The following CNBD1 variants were observed in gnomAD, a reference collection of about 807,000 sequenced individuals.
CNBD1 encodes cyclic nucleotide-binding domain-containing protein 1.
A neutral mutation model predicts 54.4 loss-of-function variants in CNBD1; 71 were observed. The observed-to-expected ratio is 1.30, with a 90% CI of 1.08 to 1.59. The LOEUF is 1.59. Ranked by LOEUF, CNBD1 falls within the 40% of genes most tolerant of loss-of-function variation. The pLI is 0.00. For missense variants in CNBD1, 659 were observed against 518.0 expected (o/e 1.27, Z -2.64); for synonymous variants, 182 against 170.7 (o/e 1.07, Z -0.51).
intron 2 of CNBD1, among the ~76,000 whole-genome samples, chr8:86,900,618 A>C (rs1401643195): frequency 6.6e-6 from 1 of 152,138 alleles, no homozygotes; most frequent in East Asian, 1.9e-4. Context: ...CTGAAGTTTT[A>C]CTTTTATTAT....
intron 2 of CNBD1, among the ~76,000 whole-genome samples, chr8:87,405,032 C>A (rs1807629859): frequency 6.6e-6 from 1 of 151,958 alleles, no homozygotes; most frequent in African/African-American, 2.4e-5. Context: ...AAACTGCTAT[C>A]TTATATATCA....
At chr8:87,024,624 G>A (rs1478763805) in intron 4 of CNBD1, among the ~76,000 whole-genome samples, 1 of 152,110 alleles carries the variant, frequency 6.6e-6, no homozygotes, top group African/African-American at 2.4e-5. Flanking sequence ...TTATAGGCAT[G>A]AGCCACCACA....
intron 2 of CNBD1, among the ~76,000 whole-genome samples, chr8:87,426,205 T>G (rs1014865698): frequency 2.0e-5 from 3 of 152,162 alleles, no homozygotes; most frequent in African/African-American, 4.8e-5. Flanking sequence ...CCCACTGACC[T>G]GCGCCCGCTG....
intron 4 of CNBD1, among the ~76,000 whole-genome samples, chr8:87,122,596 C>CA (rs1563477230): frequency 2.0e-5 from 3 of 151,482 alleles, no homozygotes; most frequent in African/African-American, 4.8e-5. Flanking sequence ...GAGTCGTAGC[C>CA]AAAAAAACTG....
At chr8:87,007,538 TC>T (rs1380430875) in intron 4 of CNBD1, among the ~76,000 whole-genome samples, 1 of 152,162 alleles carries the variant, frequency 6.6e-6, no homozygotes, top group Non-Finnish European at 1.5e-5. Flanking sequence ...CTATTTTTTT[TC>T]CCACTAAGAT....
At chr8:87,371,530 A>G (rs997535698) in intron 10 of CNBD1, among the ~76,000 whole-genome samples, 17 of 151,934 alleles carry the variant, frequency 1.1e-4, no homozygotes, top group Admixed American at 6.6e-5. Flanking sequence ...CAGAGACACA[A>G]CCAAAAAAGA....
In CNBD1 at chr8:87,118,314, CAAAAAA is replaced by C. The variant is rs34800282; in HGVS notation, c.432-87660_432-87655del. Among the ~76,000 whole-genome samples, 581 of 109,160 alleles carry C rather than the reference CAAAAAA, an allele frequency of 5.3e-3. 4 individuals carry two copies. The highest frequency in any genetic ancestry group is 0.048 in the Middle Eastern group (9 of 188). 71.6% of individuals were successfully genotyped at this position (109,160 alleles called of 152,430 possible). On this transcript the variant is annotated intron_variant, in intron 4 of 10. Transcript: ENST00000518476. ...TGGGCGACAGAGCGAGACTCTGTCT[CAAAAAA>C]AAAAAAAAAAAAAAAAAATAGAGCG...
intron 7 of CNBD1, among the ~76,000 whole-genome samples, chr8:87,285,538 G>A (rs1238370835): frequency 6.6e-6 from 1 of 151,970 alleles, no homozygotes; most frequent in Non-Finnish European, 1.5e-5. Flanking sequence ...GGGAGTTCGA[G>A]CCAGCCTGAC....
chr8:86,959,981 T>C (rs1303460787), intron 4 of CNBD1, among the ~76,000 whole-genome samples: 1 of 152,144 alleles, frequency 6.6e-6, no homozygotes, highest in East Asian at 1.9e-4. Flanking sequence ...TCCCCATCGT[T>C]GTTGTTTTAT....
At position 87,286,583 on chromosome 8, in the gene CNBD1, T is replaced by C; in HGVS notation, c.954T>C (p.Arg318=). The C allele has an allele frequency of 1.4e-6, 2 of 1,470,768 alleles. No homozygotes were observed. Among genetic ancestry groups the C allele is most frequent in the Non-Finnish European group, 1.9e-6 (2 of 1,071,160 alleles). 91.1% of individuals were successfully genotyped at this position (1,470,768 alleles called of 1,614,324 possible). A position where few individuals can be genotyped will look rare whatever the true frequency, so the allele number is the denominator to read the frequency against. The change falls in exon 8 of 11, where the codon CGT becomes CGC. Residue 318 remains arginine, a synonymous_variant. Coordinates refer to ENST00000518476, the MANE Select transcript of CNBD1 (RefSeq NM_173538.3). ...LENMQKLKLI[R]MCPYYEEWPT... is the part of the protein sequence containing the mutation. The stretch of plus-strand genomic sequence containing the variant: ...ATATGCAAAAGTTGAAATTAATCCG[T>C]ATGTGTCCTTATTATGAGGAATGGC...
intron 4 of CNBD1, among the ~76,000 whole-genome samples, chr8:87,095,858 CT>C (rs1193795826): frequency 2.0e-5 from 3 of 152,294 alleles, no homozygotes; most frequent in African/African-American, 7.2e-5. Context: ...GGGGGTCTCA[CT>C]GTGTTAGCCA....
At chr8:87,207,442 T>C (rs1269558939) in intron 5 of CNBD1, among the ~76,000 whole-genome samples, 1 of 151,390 alleles carries the variant, frequency 6.6e-6, no homozygotes, top group African/African-American at 2.4e-5. Context: ...AAATCTAAAT[T>C]TATGCACATA....
intron 4 of CNBD1, among the ~76,000 whole-genome samples, chr8:86,980,674 G>A (rs1808467140): frequency 6.6e-6 from 1 of 152,048 alleles, no homozygotes; most frequent in African/African-American, 2.4e-5. Context: ...TTGCTGTACT[G>A]GTATTAAGGG....
At chr8:87,233,774 T>C (rs1383694402) in intron 5 of CNBD1, among the ~76,000 whole-genome samples, 2 of 152,166 alleles carry the variant, frequency 1.3e-5, no homozygotes. Flanking sequence ...CCAGTTTGGC[T>C]GTGGCAATTT....
intron 8 of CNBD1, among the ~76,000 whole-genome samples, chr8:87,310,554 T>C (rs761188390): frequency 5.3e-5 from 8 of 152,148 alleles, no homozygotes; most frequent in Non-Finnish European, 5.9e-5. Flanking sequence ...ATGGCCATAT[T>C]GCCCAAAACA....
At chr8:87,168,328 G>A (rs1813009056) in intron 4 of CNBD1, among the ~76,000 whole-genome samples, 2 of 151,748 alleles carry the variant, frequency 1.3e-5, no homozygotes, top group Non-Finnish European at 2.9e-5. Flanking sequence ...GTATTTATGG[G>A]TTAAATGAGA....
chr8:87,046,981 C>T (rs1810207467), intron 4 of CNBD1, among the ~76,000 whole-genome samples: 2 of 152,152 alleles, frequency 1.3e-5, no homozygotes, highest in South Asian at 2.1e-4. Context: ...AGAGGAGTTA[C>T]GCAGGGGCTG....
intron 4 of CNBD1, among the ~76,000 whole-genome samples, chr8:87,068,463 C>T (rs566773758): frequency 6.6e-6 from 1 of 151,964 alleles, no homozygotes; most frequent in African/African-American, 2.4e-5. Flanking sequence ...AGAAACAATA[C>T]CAAGGCTCCA....
In CNBD1 at chr8:86,961,506, G is replaced by A. The variant is rs114989104; in HGVS notation, c.431+21752G>A. Among the ~76,000 whole-genome samples, 1,187 of 152,334 alleles carry A rather than the reference G, an allele frequency of 7.8e-3. 14 individuals carry two copies. The highest frequency in any genetic ancestry group is 0.027 in the African/African-American group (1,139 of 41,582). The stretch of plus-strand genomic sequence containing the variant: ...TACAATATTGGGGCCAAACAGTATT[G>A]TAACTGTGAGAGAAAATTCTAAGGA... On this transcript the variant is annotated intron_variant, in intron 4 of 10. Coordinates refer to ENST00000518476, the MANE Select transcript of CNBD1 (RefSeq NM_173538.3).
Sources: allele counts gnomAD v4.1 joint callset (sites outside exome capture counted in the v4.1 genomes callset), GRCh38; gene constraint gnomAD v4.1.1; transcripts MANE v1.5; gene names NCBI Gene and HGNC (gene_info 2026-07-23, HGNC 2026-07-21).